VPS41: variants seen among roughly 807,000 people sequenced by gnomAD.
VPS41 encodes VPS41 subunit of HOPS complex, also known as vacuolar protein sorting-associated protein 41 homolog.
Under a neutral mutation model 130.9 loss-of-function variants are expected in VPS41, and 85 were observed. The observed-to-expected ratio is 0.65, with a 90% CI of 0.55 to 0.78. The LOEUF is 0.78. VPS41 is among the 30% of genes least tolerant of loss of function. The probability of loss-of-function intolerance (pLI) is 0.00; values close to 1 mark genes in which losing one functional copy is unlikely to be tolerated. For synonymous variants in VPS41, 335 were observed against 332.9 expected (o/e 1.01, Z -0.07); for missense variants, 874 against 1,018.7 (o/e 0.86, Z 1.93).
chr7:38,900,469 A>G (rs1787117909), intron 1 of VPS41, among the ~76,000 whole-genome samples: 1 of 152,196 alleles, frequency 6.6e-6, no homozygotes. Flanking sequence ...CAGTGACACT[A>G]AAATCCCAGA....
chr7:38,859,775 G>A (rs1324403884), intron 4 of VPS41, among the ~76,000 whole-genome samples: 1 of 152,064 alleles, frequency 6.6e-6, no homozygotes, highest in Non-Finnish European at 1.5e-5. Flanking sequence ...TGATTAATGT[G>A]GTTATATGGG....
intron 17 of VPS41, among the ~76,000 whole-genome samples, chr7:38,759,026 C>G (rs1309040837): frequency 6.6e-6 from 1 of 152,192 alleles, no homozygotes; most frequent in Non-Finnish European, 1.5e-5. Context: ...TTATAATAAA[C>G]CAGTAAATGT....
At chr7:38,850,249 G>A (rs1288236861) in intron 4 of VPS41, among the ~76,000 whole-genome samples, 1 of 152,160 alleles carries the variant, frequency 6.6e-6, no homozygotes, top group Non-Finnish European at 1.5e-5. Flanking sequence ...GTACCATATT[G>A]TCTTACTTCA....
chr7:38,871,445 T>C (rs558825442), intron 2 of VPS41, among the ~76,000 whole-genome samples: 1 of 152,338 alleles, frequency 6.6e-6, no homozygotes, highest in African/African-American at 2.4e-5. Flanking sequence ...TAATATCAGA[T>C]ATCTCATTTC....
At chr7:38,763,108 T>A (rs1783957185) in intron 17 of VPS41, among the ~76,000 whole-genome samples, 1 of 152,170 alleles carries the variant, frequency 6.6e-6, no homozygotes, top group Non-Finnish European at 1.5e-5. Context: ...CTCTTCTCCA[T>A]CATTTTCACA....
At chr7:38,908,482 A>T (rs1483996100) in intron 1 of VPS41, among the ~76,000 whole-genome samples, 4 of 151,916 alleles carry the variant, frequency 2.6e-5, no homozygotes, top group Non-Finnish European at 5.9e-5. Flanking sequence ...TTTAATTTTT[A>T]CTAAGCCCAA....
At chr7:38,775,118 A>G (rs1222749053) in intron 11 of VPS41, 1 of 152,222 alleles carries the variant, frequency 6.6e-6, no homozygotes, top group East Asian at 1.9e-4. Flanking sequence ...TGAATGATAT[A>G]AAACAAATTG....
At chr7:38,875,827 T>A (rs1287524219) in intron 2 of VPS41, among the ~76,000 whole-genome samples, 1 of 152,238 alleles carries the variant, frequency 6.6e-6, no homozygotes, top group East Asian at 1.9e-4. Flanking sequence ...TGTTGTTAAA[T>A]TTTCAACTTA....
At chr7:38,896,184 C>T (rs914546456) in intron 2 of VPS41, among the ~76,000 whole-genome samples, 29 of 152,198 alleles carry the variant, frequency 1.9e-4, no homozygotes, top group African/African-American at 6.8e-4. Context: ...TCCTCACCTG[C>T]AAAATGAAAT....
chr7:38,752,409 C>T, intron 21 of VPS41, 96 bp from the exon 22 acceptor site: 1 of 1,466,708 alleles, frequency 6.8e-7, no homozygotes, highest in Non-Finnish European at 9.3e-7. Context: ...CTCCCATGGA[C>T]AGGTTGGGGG....
chr7:38,833,510 A>C (rs1270190809), intron 4 of VPS41, among the ~76,000 whole-genome samples: 1 of 152,122 alleles, frequency 6.6e-6, no homozygotes, highest in Non-Finnish European at 1.5e-5. Context: ...TTCCAGCCTT[A>C]AGGCCTTTCC....
chr7:38,897,454 G>C (rs556798726), intron 2 of VPS41, among the ~76,000 whole-genome samples: 1 of 151,916 alleles, frequency 6.6e-6, no homozygotes, highest in East Asian at 1.9e-4. Flanking sequence ...GACCATCCTG[G>C]CTAACACGGT....
intron 4 of VPS41, among the ~76,000 whole-genome samples, chr7:38,841,534 G>A (rs1444329011): frequency 6.6e-6 from 1 of 152,160 alleles, no homozygotes; most frequent in Non-Finnish European, 1.5e-5. Flanking sequence ...TGGCTTTCTG[G>A]CACCTGAAAC....
intron 10 of VPS41, among the ~76,000 whole-genome samples, chr7:38,784,459 A>T (rs1346235796): frequency 6.6e-6 from 1 of 152,028 alleles, no homozygotes; most frequent in Non-Finnish European, 1.5e-5. Flanking sequence ...ACAAAAGGAG[A>T]CCACATCTTT....
At chr7:38,796,178 C>T (rs1265738319) in intron 8 of VPS41, among the ~76,000 whole-genome samples, 1 of 152,118 alleles carries the variant, frequency 6.6e-6, no homozygotes, top group African/African-American at 2.4e-5. Flanking sequence ...CTGAATAGAA[C>T]CGATTTACTA....
At chr7:38,822,577 T>C (rs780994712) in intron 5 of VPS41, among the ~76,000 whole-genome samples, 38 of 152,210 alleles carry the variant, frequency 2.5e-4, no homozygotes, top group Non-Finnish European at 4.7e-4. Context: ...CCATCTTCCA[T>C]TGATGACCAC....
intron 7 of VPS41, among the ~76,000 whole-genome samples, chr7:38,814,794 C>T (rs536997707): frequency 8.5e-5 from 13 of 152,156 alleles, no homozygotes; most frequent in Admixed American, 2.6e-4. Flanking sequence ...AAATAGGGGA[C>T]AACTGTAAAA....
intron 4 of VPS41, among the ~76,000 whole-genome samples, chr7:38,832,453 G>C (rs1785410105): frequency 2.6e-5 from 4 of 151,482 alleles, no homozygotes; most frequent in Admixed American, 2.6e-4. Flanking sequence ...CGAGTAGCTG[G>C]GATTACAGGC....
At chr7:38,806,009 C>G (rs1401582505) in intron 7 of VPS41, among the ~76,000 whole-genome samples, 4 of 152,052 alleles carry the variant, frequency 2.6e-5, no homozygotes. Flanking sequence ...GGAATACAAT[C>G]AGACAAATCA....
Sources: allele counts gnomAD v4.1 joint callset (sites outside exome capture counted in the v4.1 genomes callset), GRCh38; gene constraint gnomAD v4.1.1; transcripts MANE v1.5; gene names NCBI Gene and HGNC (gene_info 2026-07-23, HGNC 2026-07-21).